The following ZDHHC11B variants were observed in gnomAD, a reference collection of about 807,000 sequenced individuals.
ZDHHC11B encodes the protein zDHHC palmitoyltransferase 11B (putative).
In ZDHHC11B, 17 loss-of-function variants were observed where a neutral mutation model predicts 42.3. The ratio of observed to expected loss-of-function variants is 0.40; its 90% CI spans 0.27 to 0.60. The LOEUF (loss-of-function observed/expected upper bound fraction) is 0.60. ZDHHC11B is among the 20% of genes least tolerant of loss of function. ZDHHC11B has a pLI of 0.41. For synonymous variants in ZDHHC11B, 123 were observed against 193.5 expected (o/e 0.64, Z 3.02); for missense variants, 262 against 463.2 (o/e 0.57, Z 3.99).
chr5:769,418 C>T (rs1345626185), intron 1 of ZDHHC11B, among the ~76,000 whole-genome samples: 7 of 146,688 alleles, frequency 4.8e-5, no homozygotes, highest in Non-Finnish European at 7.6e-5. Flanking sequence ...TATGGATCAA[C>T]GGTCCATCCT....
At chr5:730,064 G>C (rs1742899759) in intron 12 of ZDHHC11B, among the ~76,000 whole-genome samples, 1 of 151,540 alleles carries the variant, frequency 6.6e-6, no homozygotes, top group Non-Finnish European at 1.5e-5. Flanking sequence ...TTGGGGCAGA[G>C]CTGTCATCAG....
intron 12 of ZDHHC11B, among the ~76,000 whole-genome samples, chr5:726,310 T>G (rs150543171): frequency 0.017 from 2,564 of 151,180 alleles, 71 homozygotes; most frequent in Admixed American, 0.028. Context: ...GAGCCTGAAG[T>G]AGAAGGCTGT....
chr5:730,386 G>T (rs753839828), intron 12 of ZDHHC11B, 48 bp downstream of exon 12: 1 of 1,554,204 alleles, frequency 6.4e-7, no homozygotes, highest in Non-Finnish European at 8.7e-7. Flanking sequence ...TTGAGTTCAG[G>T]CAAGTGTACA....
intron 4 of ZDHHC11B, among the ~76,000 whole-genome samples, chr5:763,598 G>A (rs1377874802): frequency 6.6e-6 from 1 of 151,770 alleles, no homozygotes; most frequent in Non-Finnish European, 1.5e-5. Context: ...AGGCCTGGGA[G>A]CAAAACGGAT....
chr5:742,383 T>C (rs370380136), intron 9 of ZDHHC11B, among the ~76,000 whole-genome samples: 2 of 145,756 alleles, frequency 1.4e-5, no homozygotes, highest in African/African-American at 5.0e-5. Context: ...TGTCTTTGTG[T>C]ATTCCGGACA....
At chr5:714,641 TC>T (rs1741614514) in intron 13 of ZDHHC11B, among the ~76,000 whole-genome samples, 1 of 119,952 alleles carries the variant, frequency 8.3e-6, no homozygotes, top group South Asian at 2.7e-4. Context: ...ATCTGCAACT[TC>T]AGCAGACAAG....
intron 1 of ZDHHC11B, among the ~76,000 whole-genome samples, chr5:783,528 C>T (rs1324864575): frequency 3.3e-5 from 5 of 152,246 alleles, no homozygotes; most frequent in African/African-American, 1.2e-4. Context: ...CTCTATCGGT[C>T]CCCCAGGGGC....
At chr5:784,053 C>T (rs1248932928) in intron 1 of ZDHHC11B, among the ~76,000 whole-genome samples, 1 of 151,566 alleles carries the variant, frequency 6.6e-6, no homozygotes, top group Admixed American at 6.6e-5. Flanking sequence ...TCTCCATCGC[C>T]ACAGGCCCGC....
intron 1 of ZDHHC11B, among the ~76,000 whole-genome samples, chr5:777,696 T>G (rs1418144050): frequency 1.3e-5 from 2 of 151,940 alleles, no homozygotes; most frequent in Non-Finnish European, 2.9e-5. Flanking sequence ...ATTGGTGCAT[T>G]GACAAGCCTT....
chr5:737,400 T>A (rs1265780932), intron 10 of ZDHHC11B, among the ~76,000 whole-genome samples: 1 of 149,518 alleles, frequency 6.7e-6, no homozygotes, highest in African/African-American at 2.5e-5. Flanking sequence ...GGTACCTATC[T>A]TATGGAAACT....
At chr5:751,899 C>T (rs1444674523) in intron 6 of ZDHHC11B, among the ~76,000 whole-genome samples, 1 of 119,262 alleles carries the variant, frequency 8.4e-6, no homozygotes. Context: ...GGGGAACCAG[C>T]CCTTTTCACG....
At position 776,665 on chromosome 5, in the gene ZDHHC11B, C is replaced by T. The variant is rs72707102; in HGVS notation, c.-229-7735G>A. Among the ~76,000 whole-genome samples, 109 of 146,556 alleles carry T rather than the reference C, an allele frequency of 7.4e-4. 1 individual carries two copies. Among genetic ancestry groups the T allele is most frequent in the African/African-American group, 2.5e-3 (103 of 40,492 alleles). ...CCAGAAGCAAAAGCCACCCTCACAG[C>T]GGAAGGAGTGGACAGAGCCCCTGTG... On this transcript the variant is annotated intron_variant, in intron 1 of 13. Coordinates refer to ENST00000508859, the MANE Select transcript of ZDHHC11B (RefSeq NM_001351303.2).
chr5:765,359 A>G (rs1735128215), intron 4 of ZDHHC11B, among the ~76,000 whole-genome samples: 1 of 151,946 alleles, frequency 6.6e-6, no homozygotes, highest in Non-Finnish European at 1.5e-5. Context: ...TACACCAATC[A>G]GCACTCTGTG....
At chr5:778,752 GGTGA>G (rs1317928697) in intron 1 of ZDHHC11B, among the ~76,000 whole-genome samples, 1 of 151,854 alleles carries the variant, frequency 6.6e-6, no homozygotes, top group Non-Finnish European at 1.5e-5. Flanking sequence ...TAAATCCAAT[GGTGA>G]GTGTCTCTAC....
Position 729,604 on chromosome 5 carries a change from G to C in ZDHHC11B, c.1058+830C>G, listed in dbSNP as rs571915682. On this transcript the variant is annotated intron_variant, in intron 12 of 13. Coordinates refer to ENST00000508859, the MANE Select transcript of ZDHHC11B (RefSeq NM_001351303.2). ...TGCACCTGGGGTGGTTTGAGCCAAT[G>C]ACTCTTACCTTTCCACTTCATTTTC... 8.9e-4 allele frequency among the ~76,000 whole-genome samples: 134 copies of C among 151,298 alleles called. 2 individuals are homozygous for C. Among genetic ancestry groups the C allele is most frequent in the Non-Finnish European group, 1.6e-3 (109 of 67,738 alleles).
chr5:750,698 C>T (rs1163104089), intron 7 of ZDHHC11B, among the ~76,000 whole-genome samples: 2 of 124,892 alleles, frequency 1.6e-5, no homozygotes, highest in African/African-American at 5.4e-5. Flanking sequence ...AGGGCCTCAG[C>T]ACACCGCAGC....
chr5:775,311 G>A (rs2150240388), intron 1 of ZDHHC11B, among the ~76,000 whole-genome samples: 1 of 151,998 alleles, frequency 6.6e-6, no homozygotes, highest in African/African-American at 2.4e-5. Flanking sequence ...GCCCATGGTG[G>A]GACAGTTGCT....
chr5:783,550 A>C (rs1482220806), intron 1 of ZDHHC11B, among the ~76,000 whole-genome samples: 4 of 152,248 alleles, frequency 2.6e-5, no homozygotes, highest in Non-Finnish European at 5.9e-5. Flanking sequence ...CTGCACGCAG[A>C]AGAGCCAATA....
At chr5:765,688 G>A (rs1187432460) in intron 4 of ZDHHC11B, among the ~76,000 whole-genome samples, 2 of 151,890 alleles carry the variant, frequency 1.3e-5, no homozygotes, top group Admixed American at 6.6e-5. Context: ...GCTCCGCACT[G>A]CCTTTATGAG....
Sources: allele counts gnomAD v4.1 joint callset (sites outside exome capture counted in the v4.1 genomes callset), GRCh38; gene constraint gnomAD v4.1.1; transcripts MANE v1.5; gene names NCBI Gene and HGNC (gene_info 2026-07-23, HGNC 2026-07-21).